SCD: variants seen among roughly 807,000 people sequenced by gnomAD.
The protein encoded by SCD is acyl-CoA desaturase.
SCD carries 4 observed loss-of-function variants against 35.7 expected under a neutral mutation model. The ratio of observed to expected loss-of-function variants is 0.11; its 90% CI spans 0.06 to 0.26. The LOEUF is 0.26. SCD is among the 10% of genes least tolerant of loss of function. The pLI, the probability that SCD is intolerant of heterozygous loss-of-function variation, is 1.00. For synonymous variants in SCD, 150 were observed against 170.2 expected, an observed-to-expected ratio of 0.88 and a Z score of 0.92; for missense variants, 282 against 460.7, an observed-to-expected ratio of 0.61 and a Z score of 3.55.
chr10:100,355,187 G>A (rs1211176007), intron 4 of SCD, among the ~76,000 whole-genome samples: 1 of 152,206 alleles, frequency 6.6e-6, no homozygotes, highest in Non-Finnish European at 1.5e-5. Context: ...TATCGGGGTG[G>A]AGAGATAAGC....
Position 100,364,050 on chromosome 10 carries a change from G to A in SCD, c.*3117G>A, listed in dbSNP as rs1850016302. ...GCTTCATTCTGGAAACTTTTGTTAG[G>A]GCTGCTTTTCTTAAGTGCCCACATT... On this transcript the variant is annotated 3_prime_UTR_variant, in exon 6 of 6. Coordinates refer to ENST00000370355, the MANE Select transcript of SCD (RefSeq NM_005063.5). 1 of 152,042 alleles carries A rather than the reference G, an allele frequency of 6.6e-6. No homozygotes were observed. The highest frequency in any genetic ancestry group is 6.6e-5 in the Admixed American group (1 of 15,266). 9.4% of individuals were successfully genotyped at this position (152,042 alleles called of 1,614,324 possible).
chr10:100,352,304 G>A lies in SCD; in HGVS notation c.311-62G>A. ...TTCTAGCATCCAGAGAGTGTCTCTG[G>A]CATCCTTTCCCAGATGGAACTCACA... On this transcript the variant is annotated intron_variant, in intron 2 of 5. Coordinates refer to ENST00000370355, the MANE Select transcript of SCD (RefSeq NM_005063.5). The surrounding 1 kb of genome is among the most constrained non-coding windows in gnomAD (Gnocchi z 4.2). The A allele has an allele frequency of 1.3e-6, 2 of 1,556,720 alleles. No individual in the cohort carries two copies. The highest frequency in any genetic ancestry group is 2.3e-5 in the South Asian group (2 of 87,778).
chr10:100,361,969 A>AGG lies in SCD; in HGVS notation c.*1036_*1037insGG, dbSNP rs1374386991. On this transcript the variant is annotated 3_prime_UTR_variant, in exon 6 of 6. Coordinates refer to ENST00000370355, the MANE Select transcript of SCD (RefSeq NM_005063.5). ...CTGTGGCATTTCCAAACATCCAAAA[A>AGG]AAGGGAAGGATTTAAGGAGGTGAAG... 6.6e-6 allele frequency: 1 copy of AGG among 152,222 alleles called. No individual in the cohort carries two copies. Among genetic ancestry groups the AGG allele is most frequent in the Non-Finnish European group, 1.5e-5 (1 of 68,044 alleles). The allele number at this position is 152,222 out of a possible 1,614,324, so 9.4% of individuals were successfully genotyped here.
intron 5 of SCD, among the ~76,000 whole-genome samples, chr10:100,360,342 T>C (rs1849976731): frequency 6.6e-6 from 1 of 152,220 alleles, no homozygotes; most frequent in South Asian, 2.1e-4. Flanking sequence ...GGAGCTTCTC[T>C]CTAGTCATTT....
At chr10:100,347,818 T>C (rs1336848495) in intron 1 of SCD, among the ~76,000 whole-genome samples, 1 of 152,170 alleles carries the variant, frequency 6.6e-6, no homozygotes, top group Non-Finnish European at 1.5e-5. Context: ...TACTTCTCCT[T>C]CCTACTGCCG....
Position 100,352,118 on chromosome 10 carries a change from C to T in SCD, c.311-248C>T, listed in dbSNP as rs1849878265. Among the ~76,000 whole-genome samples, 1 of 152,088 alleles carries T rather than the reference C, an allele frequency of 6.6e-6. No homozygotes were observed. The highest frequency in any genetic ancestry group is 1.5e-5 in the Non-Finnish European group (1 of 68,022). ...GGTAAGAGCACTATTCTCTCTCCTGCCTTTCTGACTCCTTAGTTCCTGGGA... is the reference window on the plus strand; with the variant it reads ...GGTAAGAGCACTATTCTCTCTCCTGTCTTTCTGACTCCTTAGTTCCTGGGA... On this transcript the variant is annotated intron_variant, in intron 2 of 5. Transcript: ENST00000370355. The surrounding 1 kb of genome is among the most constrained non-coding windows in gnomAD (Gnocchi z 4.2).
At position 100,356,694 on chromosome 10, in the gene SCD, C is replaced by T. The variant is rs1334444523; in HGVS notation, c.810C>T (p.Leu270=). The change falls in exon 5 of 6, where the codon CTC becomes CTT. Residue 270 remains leucine (L), a synonymous_variant. Coordinates refer to ENST00000370355, the MANE Select transcript of SCD (RefSeq NM_005063.5). This position sits in a 1 kb window ranked among gnomAD's most constrained non-coding sequence, Gnocchi z 4.1. ...ATWLVNSAAH[L]FGYRPYDKNI... The stretch of plus-strand genomic sequence containing the variant: ...GGCTGGTGAACAGTGCTGCCCACCT[C>T]TTCGGATATCGTCCTTATGACAAGA... The T allele has an allele frequency of 1.2e-6, 2 of 1,614,266 alleles. No homozygotes were observed. The highest frequency in any genetic ancestry group is 2.2e-5 in the East Asian group (1 of 44,886).
In SCD at chr10:100,352,548, G is replaced by A. The variant is rs758458595; in HGVS notation, c.441+52G>A. 42 of 1,575,950 alleles carry A rather than the reference G, an allele frequency of 2.7e-5. No homozygotes were observed. The South Asian group carries it at 3.2e-4, about 12-fold the overall frequency. ...TTGTCCTCCACACTATTAATGATCC[G>A]GGGACAGAAAGGAGGGATCAGCACC... On this transcript the variant is annotated intron_variant, in intron 3 of 5. Transcript: ENST00000370355. This position sits in a 1 kb window ranked among gnomAD's most constrained non-coding sequence, Gnocchi z 4.2.
At chr10:100,357,793 T>C (rs1486585068) in intron 5 of SCD, among the ~76,000 whole-genome samples, 2 of 152,030 alleles carry the variant, frequency 1.3e-5, no homozygotes, top group African/African-American at 4.8e-5. Context: ...TCTTTCCAAC[T>C]GAATATAGAC....
intron 5 of SCD, among the ~76,000 whole-genome samples, chr10:100,357,025 A>G (rs777707016): frequency 2.0e-5 from 3 of 152,186 alleles, no homozygotes; most frequent in Non-Finnish European, 4.4e-5. Flanking sequence ...TCCAAATGCC[A>G]TGTATGCTCC....
rs745389125 is a variant in SCD, at chr10:100,356,702, A to G, written c.818A>G (p.Tyr273Cys). 4.3e-6 allele frequency: 7 copies of G among 1,614,154 alleles called. No individual in the cohort carries two copies. Among genetic ancestry groups the G allele is most frequent in the Non-Finnish European group, 5.9e-6 (7 of 1,180,056 alleles). ...AACAGTGCTGCCCACCTCTTCGGAT[A>G]TCGTCCTTATGACAAGAACATTAGC... is the stretch of plus-strand genomic sequence containing the variant. Reference protein sequence around the residue: ...LVNSAAHLFGYRPYDKNISPR... With the variant: ...LVNSAAHLFGCRPYDKNISPR... The change falls in exon 5 of 6, where the codon TAT becomes TGT. Residue 273 changes from tyrosine (Y) to cysteine (C), a missense_variant. By Grantham distance (194) the Tyr-to-Cys change is radical. Around this residue, in one of 2 missense-constraint regions of SCD, gnomAD observed 205 missense variants for 372.3 expected, o/e 0.55. Coordinates refer to ENST00000370355, the MANE Select transcript of SCD (RefSeq NM_005063.5). This position sits in a 1 kb window ranked among gnomAD's most constrained non-coding sequence, Gnocchi z 4.1.
In SCD at chr10:100,347,515, A is replaced by T; in HGVS notation, c.11A>T (p.His4Leu). Reference sequence around the variant, plus strand: ...CATCCGAGAGCCAAGATGCCGGCCCACTTGCTGCAGGACGATGTGAGTTTC... The same window carrying T: ...CATCCGAGAGCCAAGATGCCGGCCCTCTTGCTGCAGGACGATGTGAGTTTC... MPA[H>L]LLQDDISSSY... The change falls in exon 1 of 6, where the codon CAC becomes CTC. Residue 4 changes from histidine (H) to leucine (L), a missense_variant. This residue lies in a region of SCD where 77 missense variants were observed against 88.4 expected (regional missense o/e 0.87). Coordinates refer to ENST00000370355, the MANE Select transcript of SCD (RefSeq NM_005063.5). 1 of 1,613,850 alleles carries T rather than the reference A, an allele frequency of 6.2e-7. No individual in the cohort carries two copies. Among genetic ancestry groups the T allele is most frequent in the Non-Finnish European group, 8.5e-7 (1 of 1,179,960 alleles).
intron 2 of SCD, among the ~76,000 whole-genome samples, chr10:100,351,667 G>A (rs952343236): frequency 3.3e-5 from 5 of 152,052 alleles, no homozygotes; most frequent in African/African-American, 9.7e-5. Context: ...TTGAGATAAG[G>A]TCTTGCTGTG....
intron 5 of SCD, among the ~76,000 whole-genome samples, chr10:100,359,655 G>A (rs1849969385): frequency 6.6e-6 from 1 of 152,136 alleles, no homozygotes; most frequent in Non-Finnish European, 1.5e-5. Context: ...CCTAGATGAT[G>A]TCATTTACTT....
rs1849985454 is a variant in SCD at position 100,361,079 on chromosome 10, G to C, written c.*146G>C. The stretch of plus-strand genomic sequence containing the variant: ...TACAGTATTCTTTTAAAATTCAAAA[G>C]TATTGAAAGCCAACAACTCTGCCTT... On this transcript the variant is annotated 3_prime_UTR_variant, in exon 6 of 6. Coordinates refer to ENST00000370355, the MANE Select transcript of SCD (RefSeq NM_005063.5). 1.1e-5 allele frequency: 8 copies of C among 707,312 alleles called. No homozygotes were observed. In the East Asian group the frequency reaches 2.2e-4, roughly 19 times the overall value. The allele number at this position is 707,312 out of a possible 1,614,324, so 43.8% of individuals were successfully genotyped here.
chr10:100,352,640 C>T lies in SCD; in HGVS notation c.441+144C>T. The T allele has an allele frequency of 1.3e-6, 1 of 770,872 alleles. No individual in the cohort carries two copies. The highest frequency in any genetic ancestry group is 2.1e-6 in the Non-Finnish European group (1 of 466,868). The allele number at this position is 770,872 out of a possible 1,614,324, so 47.8% of individuals were successfully genotyped here. On this transcript the variant is annotated intron_variant, in intron 3 of 5. Transcript: ENST00000370355. This position sits in a 1 kb window ranked among gnomAD's most constrained non-coding sequence, Gnocchi z 4.2. ...CCTGTAGTCACCTCAAGTTCCAGTT[C>T]AGTCCTTAAGTCCATAAAGCATGAA...
intron 1 of SCD, 98 bp from the exon 2 acceptor site, chr10:100,347,966 T>C (rs921663665): frequency 1.6e-6 from 2 of 1,249,198 alleles, no homozygotes; most frequent in Non-Finnish European, 2.3e-6. Context: ...GAAGGGTCCG[T>C]ACTGTCCACC....
At chr10:100,349,183 G>A (rs565709721) in intron 2 of SCD, among the ~76,000 whole-genome samples, 2 of 152,354 alleles carry the variant, frequency 1.3e-5, no homozygotes, top group Admixed American at 6.5e-5. Context: ...TCTTGAGGCT[G>A]CTGTAATGAG....
At position 100,348,134 on chromosome 10, in the gene SCD, A is replaced by C; in HGVS notation, c.98A>C (p.Asp33Ala). The C allele has an allele frequency of 2.5e-6, 4 of 1,613,788 alleles. No individual in the cohort carries two copies. The highest frequency in any genetic ancestry group is 3.4e-6 in the Non-Finnish European group (4 of 1,179,804). The change falls in exon 2 of 6, where the codon GAT becomes GCT. Residue 33 changes from aspartate to alanine, a missense_variant. Asp to Ala is a moderately radical substitution (Grantham distance 126, BLOSUM62 -2). This residue lies in a region of SCD where 77 missense variants were observed against 88.4 expected (regional missense o/e 0.87). Coordinates refer to ENST00000370355, the MANE Select transcript of SCD (RefSeq NM_005063.5). ...TCCAGGGTCCTGCAGAATGGAGGAG[A>C]TAAGTTGGAGACGATGCCCCTCTAC... ...PPSRVLQNGG[D>A]KLETMPLYLE...
Sources: allele counts gnomAD v4.1 joint callset (sites outside exome capture counted in the v4.1 genomes callset), GRCh38; gene constraint gnomAD v4.1.1; regional missense constraint gnomAD v4.1.1; non-coding constraint Gnocchi (gnomAD v3.1); transcripts MANE v1.5; gene names NCBI Gene and HGNC (gene_info 2026-07-23, HGNC 2026-07-21).